Variants in RBFOX1 observed in about 807,000 individuals in gnomAD.
The protein encoded by RBFOX1 is RNA binding protein fox-1 homolog 1.
A neutral mutation model predicts 57.7 loss-of-function variants in RBFOX1; 8 were observed. The ratio of observed to expected loss-of-function variants is 0.14; its 90% CI spans 0.08 to 0.25. RBFOX1 has a LOEUF of 0.25. Ranked by LOEUF, RBFOX1 falls within the 10% of genes least tolerant of loss-of-function variation. The pLI, the probability that RBFOX1 is intolerant of heterozygous loss-of-function variation, is 1.00. For synonymous variants in RBFOX1, 326 were observed against 222.4 expected, an observed-to-expected ratio of 1.47 and a Z score of -4.15; for missense variants, 611 against 548.5, an observed-to-expected ratio of 1.11 and a Z score of -1.14.
intron 2 of RBFOX1, among the ~76,000 whole-genome samples, chr16:6,503,695 A>T (rs1198118702): frequency 6.6e-6 from 1 of 152,130 alleles, no homozygotes; most frequent in Non-Finnish European, 1.5e-5. Flanking sequence ...AGCATCTTTC[A>T]TCCCTTCCAT....
chr16:5,432,905 C>A (rs1036330150), intron 1 of RBFOX1, among the ~76,000 whole-genome samples: 2 of 152,094 alleles, frequency 1.3e-5, no homozygotes, highest in Admixed American at 1.3e-4. Context: ...CCCATCTCAG[C>A]CTCCTGAGTA....
At chr16:6,483,219 G>T in intron 2 of RBFOX1, 1 of 1,216,568 alleles carries the variant, frequency 8.2e-7, no homozygotes, top group Non-Finnish European at 1.0e-6. Flanking sequence ...CGGGGAAGCC[G>T]GACCCGGGCC....
At chr16:6,147,839 T>C (rs912143402) in intron 1 of RBFOX1, among the ~76,000 whole-genome samples, 1 of 152,206 alleles carries the variant, frequency 6.6e-6, no homozygotes, top group Non-Finnish European at 1.5e-5. Context: ...TTTCAGTCTA[T>C]CAACAAATTG....
intron 3 of RBFOX1, among the ~76,000 whole-genome samples, chr16:6,944,585 G>T (rs1376898406): frequency 6.6e-6 from 1 of 152,078 alleles, no homozygotes; most frequent in Non-Finnish European, 1.5e-5. Flanking sequence ...TTAAGAGACT[G>T]GGTCTCGTAG....
chr16:6,089,427 C>A (rs987384849), intron 1 of RBFOX1, among the ~76,000 whole-genome samples: 6 of 152,024 alleles, frequency 3.9e-5, no homozygotes, highest in Non-Finnish European at 5.9e-5. Flanking sequence ...TTAGGATGGT[C>A]GGCATATACA....
intron 4 of RBFOX1, among the ~76,000 whole-genome samples, chr16:7,448,246 G>A (rs901858934): frequency 1.3e-4 from 20 of 152,356 alleles, no homozygotes; most frequent in African/African-American, 4.8e-4. Flanking sequence ...AAATCAAGGT[G>A]TAGGCAAGGT....
At chr16:7,701,552 C>A (rs774455800) in intron 14 of RBFOX1, among the ~76,000 whole-genome samples, 1 of 152,162 alleles carries the variant, frequency 6.6e-6, no homozygotes, top group Non-Finnish European at 1.5e-5. Flanking sequence ...TGTGGAAAAA[C>A]TGTCTTCTAC....
chr16:7,070,462 G>T (rs537598513), intron 4 of RBFOX1, among the ~76,000 whole-genome samples: 5 of 152,068 alleles, frequency 3.3e-5, no homozygotes, highest in Admixed American at 6.6e-5. Context: ...GCAATTTTGT[G>T]GTGTTATTTT....
chr16:6,976,485 G>A (rs913727861), intron 3 of RBFOX1, among the ~76,000 whole-genome samples: 3 of 151,972 alleles, frequency 2.0e-5, no homozygotes, highest in African/African-American at 7.3e-5. Flanking sequence ...ACCCAAGAGG[G>A]GGTTTTTAGA....
At chr16:6,221,007 T>C (rs1341647661) in intron 1 of RBFOX1, among the ~76,000 whole-genome samples, 1 of 152,146 alleles carries the variant, frequency 6.6e-6, no homozygotes, top group East Asian at 1.9e-4. Context: ...TAACATTTAA[T>C]TGTCATTATA....
intron 3 of RBFOX1, among the ~76,000 whole-genome samples, chr16:6,977,528 G>C (rs1011415645): frequency 1.3e-5 from 2 of 151,940 alleles, no homozygotes; most frequent in Non-Finnish European, 2.9e-5. Flanking sequence ...ACTCAAAATG[G>C]AGTCACTGTA....
At chr16:7,688,674 G>T (rs551853148) in intron 14 of RBFOX1, among the ~76,000 whole-genome samples, 2 of 152,174 alleles carry the variant, frequency 1.3e-5, no homozygotes, top group African/African-American at 4.8e-5. Flanking sequence ...TAATTTAAGT[G>T]TACCACCAGC....
At chr16:7,665,107 G>A (rs139250102) in intron 13 of RBFOX1, 139 bp downstream of exon 13, 30,602 of 1,528,596 alleles carry the variant, frequency 0.02, 395 homozygotes, top group Non-Finnish European at 0.024. Context: ...GGTTTGTCTT[G>A]CAGGACAGAA....
chr16:7,650,361 C>A (rs1232952015), intron 11 of RBFOX1, among the ~76,000 whole-genome samples: 1 of 149,948 alleles, frequency 6.7e-6, no homozygotes, highest in Non-Finnish European at 1.5e-5. Context: ...CAGGAAGGCA[C>A]TATTTAAGCC....
chr16:7,211,247 C>A (rs2091069783), intron 4 of RBFOX1, among the ~76,000 whole-genome samples: 1 of 151,736 alleles, frequency 6.6e-6, no homozygotes, highest in Admixed American at 6.6e-5. Context: ...AAGAAATTAG[C>A]CAGGTGTGGT....
chr16:5,658,185 C>A (rs1005274548), intron 3 of RBFOX1, among the ~76,000 whole-genome samples: 2 of 152,102 alleles, frequency 1.3e-5, no homozygotes, highest in Non-Finnish European at 2.9e-5. Context: ...AAGAAAGGCT[C>A]GCAGACCTGG....
chr16:6,431,741 G>A (rs2094093066), intron 2 of RBFOX1, among the ~76,000 whole-genome samples: 1 of 152,022 alleles, frequency 6.6e-6, no homozygotes, highest in South Asian at 2.1e-4. Context: ...CTGTAGTCCT[G>A]GCTACTTTAC....
rs71145245 is a variant in RBFOX1, at chr16:6,542,483, C to CTTTTTTTTTTTTTT, written c.-63-112109_-63-112096dup. On this transcript the variant is annotated intron_variant, in intron 2 of 15. Transcript: ENST00000550418. ...CCACTGCCCTGTGTGGGACCATAGT[C>CTTTTTTTTTTTTTT]TTTTTTTTTTTTTTTTTTTTTTTTG... Among the ~76,000 whole-genome samples, 215 of 55,728 alleles carry CTTTTTTTTTTTTTT rather than the reference C, an allele frequency of 3.9e-3. 49 individuals carry two copies. The highest frequency in any genetic ancestry group is 6.3e-3 in the Admixed American group (21 of 3,354). The allele number at this position is 55,728 out of a possible 152,430, so 36.6% of individuals were successfully genotyped here.
intron 2 of RBFOX1, among the ~76,000 whole-genome samples, chr16:6,456,174 A>G (rs2094766935): frequency 6.6e-6 from 1 of 152,208 alleles, no homozygotes; most frequent in Non-Finnish European, 1.5e-5. Context: ...AAAGATATAA[A>G]TACTATTAAG....
Sources: gnomAD v4.1 joint callset for allele counts (sites outside exome capture counted in the v4.1 genomes callset) on GRCh38, gnomAD v4.1.1 for gene constraint, MANE v1.5 for transcripts, NCBI Gene and HGNC (gene_info 2026-07-23, HGNC 2026-07-21) for gene names.